The following CHRNB1 variants were observed in gnomAD, a reference collection of about 807,000 sequenced individuals.
CHRNB1 encodes the protein cholinergic receptor nicotinic beta 1 subunit.
CHRNB1 carries 47 observed loss-of-function variants against 53.8 expected under a neutral mutation model. That is an observed-to-expected ratio of 0.87 (90% CI 0.69 to 1.11). The LOEUF (loss-of-function observed/expected upper bound fraction) is 1.11. Ranked by LOEUF, CHRNB1 falls within the 50% of genes most tolerant of loss-of-function variation. The pLI is 0.00. For missense variants in CHRNB1, 605 were observed against 654.9 expected (o/e 0.92, Z 0.83); for synonymous variants, 259 against 263.5 (o/e 0.98, Z 0.16).
chr17:7,447,959 C>G (rs1422897689), intron 6 of CHRNB1, among the ~76,000 whole-genome samples: 1 of 150,046 alleles, frequency 6.7e-6, no homozygotes, highest in East Asian at 1.9e-4. Context: ...CCTGTAATCC[C>G]AGCTACTTGG....
At chr17:7,456,289 G>A (rs2069950197) in intron 10 of CHRNB1, among the ~76,000 whole-genome samples, 1 of 152,018 alleles carries the variant, frequency 6.6e-6, no homozygotes, top group East Asian at 1.9e-4. Context: ...CCTGACCTCA[G>A]GTGATCCGCT....
In CHRNB1 at chr17:7,455,182, A is replaced by G. The variant is rs1452763892; in HGVS notation, c.1045-102A>G. 4 of 1,284,170 alleles carry G rather than the reference A, an allele frequency of 3.1e-6. No individual in the cohort carries two copies. The Admixed American group carries it at 5.1e-5, about 16-fold the overall frequency. 79.5% of individuals were successfully genotyped at this position (1,284,170 alleles called of 1,614,324 possible). A position where few individuals can be genotyped will look rare whatever the true frequency, so the allele number is the denominator to read the frequency against. ...TTTGTGGAAGAATATGCACGCACATACTCACGCGCGGGAATGGGCATGTGG... is the reference window on the plus strand; with the variant it reads ...TTTGTGGAAGAATATGCACGCACATGCTCACGCGCGGGAATGGGCATGTGG... On this transcript the variant is annotated intron_variant, in intron 8 of 10. Transcript: ENST00000306071.
Position 7,454,280 on chromosome 17 carries a change from C to T in CHRNB1, c.821-17C>T. ...CAGGCAAGTCTAATCCTTCTCTCTT[C>T]CCCTCTGCCCTCCAAGGAGAGAAGA... On this transcript the variant is annotated splice_polypyrimidine_tract_variant and intron_variant, in intron 7 of 10. Transcript: ENST00000306071. The T allele has an allele frequency of 6.3e-7, 1 of 1,594,178 alleles. No homozygotes were observed. The highest frequency in any genetic ancestry group is 8.6e-7 in the Non-Finnish European group (1 of 1,161,882).
Position 7,446,859 on chromosome 17 carries a change from G to A in CHRNB1, c.270G>A (p.Trp90Ter), listed in dbSNP as rs555170218. 5 of 1,613,990 alleles carry A rather than the reference G, an allele frequency of 3.1e-6. No homozygotes were observed. In the African/African-American group the frequency reaches 5.3e-5, roughly 17 times the overall value. Reference sequence around the variant, plus strand: ...AGTGGACTGACTACAGGCTGAGCTGGGACCCTGCGGAGCACGACGGCATCG... The same window carrying A: ...AGTGGACTGACTACAGGCTGAGCTGAGACCCTGCGGAGCACGACGGCATCG... ...DLEWTDYRLS[W>*]DPAEHDGIDS... is the part of the protein sequence containing the mutation. Residue 90 changes from tryptophan (W) to a stop codon, truncating the protein, a stop_gained, in exon 4 of 11, where the codon TGG becomes TGA. Coordinates refer to ENST00000306071, the MANE Select transcript of CHRNB1 (RefSeq NM_000747.3). LOFTEE classifies it high-confidence loss of function.
In CHRNB1 at chr17:7,448,679, C is replaced by T. The variant is rs1353748806; in HGVS notation, c.711C>T (p.Phe237=). The part of the protein sequence containing the change: ...GREGQRQEVI[F]YLIIRRKPLF... ...AAGGACAGCGCCAGGAAGTCATCTTCTACCTCATCATCCGCCGCAAGCCTC... is the reference window on the plus strand; with the variant it reads ...AAGGACAGCGCCAGGAAGTCATCTTTTACCTCATCATCCGCCGCAAGCCTC... The change falls in exon 7 of 11, where the codon TTC becomes TTT. Residue 237 remains phenylalanine, a synonymous_variant. Coordinates refer to ENST00000306071, the MANE Select transcript of CHRNB1 (RefSeq NM_000747.3). 34 of 1,614,202 alleles carry T rather than the reference C, an allele frequency of 2.1e-5. No homozygotes were observed. Among genetic ancestry groups the T allele is most frequent in the Non-Finnish European group, 2.9e-5 (34 of 1,180,026 alleles).
rs1314128600 is a variant in CHRNB1, at chr17:7,445,181, C to T, written c.54C>T (p.Ala18=). ...MLLGALGAPL[A]PGVRGSEAEG... is the part of the protein sequence containing the mutation. The stretch of plus-strand genomic sequence containing the variant: ...TGGGGGCGCTGGGGGCGCCGCTCGC[C>T]CCAGGTAAGTGTAGGCCCCGAAGGG... Residue 18 remains alanine (A), a synonymous_variant, in exon 1 of 11, where the codon GCC becomes GCT. Coordinates refer to ENST00000306071, the MANE Select transcript of CHRNB1 (RefSeq NM_000747.3). This position sits in a 1 kb window ranked among gnomAD's most constrained non-coding sequence, Gnocchi z 5.7. 1 of 1,610,182 alleles carries T rather than the reference C, an allele frequency of 6.2e-7. No homozygotes were observed. Among genetic ancestry groups the T allele is most frequent in the East Asian group, 2.2e-5 (1 of 44,800 alleles).
At chr17:7,446,197 T>C (rs1908604123) in intron 3 of CHRNB1, 84 bp downstream of exon 3, 1 of 1,200,818 alleles carries the variant, frequency 8.3e-7, no homozygotes, top group African/African-American at 1.5e-5. Flanking sequence ...GAATATTTTT[T>C]ACATCATGAC....
chr17:7,451,096 C>A (rs1164979346), intron 7 of CHRNB1, among the ~76,000 whole-genome samples: 1 of 151,998 alleles, frequency 6.6e-6, no homozygotes, highest in East Asian at 1.9e-4. Flanking sequence ...AGACCATAAC[C>A]AGCTGCGTTT....
Position 7,446,124 on chromosome 17 carries a change from C to T in CHRNB1, c.243+11C>T, listed in dbSNP as rs1326183520. On this transcript the variant is annotated intron_variant, in intron 3 of 10. Coordinates refer to ENST00000306071, the MANE Select transcript of CHRNB1 (RefSeq NM_000747.3). ...GTGTACTTAGACCTGGTATGGAGAC[C>T]CCACGGGGTGGGAAAGGGCTTCCCT... The T allele has an allele frequency of 6.2e-7, 1 of 1,612,776 alleles. No homozygotes were observed. The highest frequency in any genetic ancestry group is 1.3e-5 in the African/African-American group (1 of 74,880).
chr17:7,449,188 C>T (rs1047654714), intron 7 of CHRNB1, among the ~76,000 whole-genome samples: 6 of 150,646 alleles, frequency 4.0e-5, no homozygotes, highest in African/African-American at 1.5e-4. Context: ...ACTGCAAGCT[C>T]TGCCTCCCGG....
chr17:7,447,383 C>A, intron 5 of CHRNB1, 120 bp from the exon 6 acceptor site: 1 of 1,280,172 alleles, frequency 7.8e-7, no homozygotes, highest in East Asian at 2.3e-5. Flanking sequence ...AATGGCTTCC[C>A]TTCATAACCC....
chr17:7,450,071 A>ATAAG (rs1252870123), intron 7 of CHRNB1, among the ~76,000 whole-genome samples: 58 of 138,968 alleles, frequency 4.2e-4, no homozygotes, highest in Middle Eastern at 7.2e-3. Flanking sequence ...AAATAAATAA[A>ATAAG]TAAATAAATA....
intron 7 of CHRNB1, among the ~76,000 whole-genome samples, chr17:7,449,420 T>TA (rs1462947289): frequency 1.5e-4 from 22 of 143,550 alleles, no homozygotes; most frequent in East Asian, 8.3e-4. Flanking sequence ...TTTTTTTTTT[T>TA]TTTTTGAGAC....
intron 6 of CHRNB1, 75 bp from the exon 7 acceptor site, chr17:7,448,504 G>A: frequency 1.4e-6 from 2 of 1,430,086 alleles, no homozygotes; most frequent in Non-Finnish European, 2.0e-6. Context: ...TCTAGGCTGT[G>A]GCAGAGCAAG....
Position 7,446,331 on chromosome 17 carries a change from G to GTC in CHRNB1, c.243+219_243+220insCT, listed in dbSNP as rs1555551786. 3.2e-3 allele frequency: 555 copies of GTC among 172,186 alleles called. 2 individuals are homozygous for GTC. The highest frequency in any genetic ancestry group is 9.8e-3 in the African/African-American group (226 of 23,000). The allele number at this position is 172,186 out of a possible 1,614,324, so 10.7% of individuals were successfully genotyped here. A position where few individuals can be genotyped will look rare whatever the true frequency, so the allele number is the denominator to read the frequency against. On this transcript the variant is annotated intron_variant, in intron 3 of 10. Transcript: ENST00000306071. Reference sequence around the variant, plus strand: ...TGTGTGTGTGTGTGTGTGTGTCTGTGTGTGTGTGTGTGTGTGTGTGTGTGT... The same window carrying GTC: ...TGTGTGTGTGTGTGTGTGTGTCTGTGTCTGTGTGTGTGTGTGTGTGTGTGTGT...
chr17:7,456,524 G>T, intron 10 of CHRNB1, 59 bp from the exon 11 acceptor site: 1 of 1,609,436 alleles, frequency 6.2e-7, no homozygotes, highest in African/African-American at 1.3e-5. Flanking sequence ...GGGGAAATGG[G>T]GGGGTTTCCC....
At chr17:7,448,466 C>A in intron 6 of CHRNB1, 113 bp from the exon 7 acceptor site, 2 of 926,552 alleles carry the variant, frequency 2.2e-6, no homozygotes, top group Non-Finnish European at 3.5e-6. Flanking sequence ...GTTTTCACAG[C>A]TAGTTTCATC....
At chr17:7,450,287 G>A (rs1908840605) in intron 7 of CHRNB1, among the ~76,000 whole-genome samples, 1 of 151,706 alleles carries the variant, frequency 6.6e-6, no homozygotes, top group Admixed American at 6.6e-5. Context: ...GGGATTACAG[G>A]TGCCCACCAC....
intron 8 of CHRNB1, 108 bp from the exon 9 acceptor site, chr17:7,455,176 G>C: frequency 1.6e-6 from 2 of 1,222,104 alleles, no homozygotes; most frequent in Non-Finnish European, 2.4e-6. Flanking sequence ...GAATATGCAC[G>C]CACATACTCA....
Sources: allele counts gnomAD v4.1 joint callset (sites outside exome capture counted in the v4.1 genomes callset), GRCh38; gene constraint gnomAD v4.1.1; non-coding constraint Gnocchi (gnomAD v3.1); transcripts MANE v1.5; gene names NCBI Gene and HGNC (gene_info 2026-07-23, HGNC 2026-07-21).